The following FOXQ1 variants were observed in gnomAD, a reference collection of about 807,000 sequenced individuals.
FOXQ1 encodes the protein forkhead box Q1.
A neutral mutation model predicts 0.6 loss-of-function variants in FOXQ1; 1 was observed. The observed-to-expected ratio is 1.73, with a 90% confidence interval of 0.61 to 8.20. The LOEUF (loss-of-function observed/expected upper bound fraction) is 8.20, where lower values mean the gene tolerates loss of function less well. Ranked by LOEUF, FOXQ1 falls within the 30% of genes most tolerant of loss-of-function variation. The probability of loss-of-function intolerance (pLI) is 0.13; values close to 1 mark genes in which losing one functional copy is unlikely to be tolerated. For missense variants in FOXQ1, 734 were observed against 595.6 expected (o/e 1.23, Z -2.42); for synonymous variants, 377 against 294.4 (o/e 1.28, Z -2.87).
Position 1,313,524 on chromosome 6 carries a change from G to T in FOXQ1, c.820G>T (p.Asp274Tyr). The change falls in exon 1 of 1, where the codon GAC (aspartate) becomes TAC (tyrosine). Residue 274 changes from aspartate (D) to tyrosine (Y), a missense_variant. Asp to Tyr is a radical substitution (Grantham distance 160). Transcript: ENST00000296839. This position sits in a 1 kb window ranked among gnomAD's most constrained non-coding sequence, Gnocchi z 5.2. ...CAAGTTCTCCAGCTCCTTCGCCATC[G>T]ACAGCATCCTGCGCAAGCCCTTCCG... Reference protein sequence around the residue: ...AGKFSSSFAIDSILRKPFRSR... With the variant: ...AGKFSSSFAIYSILRKPFRSR... The T allele has an allele frequency of 7.9e-7, 1 of 1,261,056 alleles. No individual in the cohort carries two copies. The highest frequency in any genetic ancestry group is 1.0e-6 in the Non-Finnish European group (1 of 981,420). 78.1% of individuals were successfully genotyped at this position (1,261,056 alleles called of 1,614,324 possible).
Position 1,313,001 on chromosome 6 carries a change from C to T in FOXQ1, c.297C>T (p.Gly99=), listed in dbSNP as rs1186098029. 1 of 1,364,000 alleles carries T rather than the reference C, an allele frequency of 7.3e-7. No homozygotes were observed. The highest frequency in any genetic ancestry group is 3.4e-5 in the Admixed American group (1 of 29,818). 84.5% of individuals were successfully genotyped at this position (1,364,000 alleles called of 1,614,324 possible). ...CGGAGGCCGGGGCGGCGGGGCCAGG[C>T]GCGGGCGGCGCGGGGAGCGGCGAGG... ...EGAEAGAAGP[G]AGGAGSGEGA... Residue 99 remains glycine (G), a synonymous_variant, in exon 1 of 1, where the codon GGC becomes GGT. Transcript: ENST00000296839. The surrounding 1 kb of genome is among the most constrained non-coding windows in gnomAD (Gnocchi z 5.2).
chr6:1,313,189 G>A lies in FOXQ1; in HGVS notation c.485G>A (p.Gly162Asp). 1 of 1,610,106 alleles carries A rather than the reference G, an allele frequency of 6.2e-7. No homozygotes were observed. ...CCCTTTTTCCGCGGCAGCTACACGG[G>A]CTGGCGCAACTCCGTGCGCCACAAC... ...KFPFFRGSYT[G>D]WRNSVRHNLS... Residue 162 changes from glycine (G) to aspartate (D), a missense_variant, in exon 1 of 1, where the codon GGC becomes GAC. Physicochemically the swap from Gly to Asp is moderately conservative, Grantham distance 94. Transcript: ENST00000296839. This position sits in a 1 kb window ranked among gnomAD's most constrained non-coding sequence, Gnocchi z 5.2.
In FOXQ1 at chr6:1,313,115, C is replaced by A. The variant is rs1173710632; in HGVS notation, c.411C>A (p.Gly137=). ...LIAMAIRDSA[G]GRLTLAEINE... is the part of the protein sequence containing the mutation. The stretch of plus-strand genomic sequence containing the variant: ...CCATGGCCATCCGCGACTCGGCGGG[C>A]GGGCGCTTGACGCTGGCGGAGATCA... Residue 137 remains glycine, a synonymous_variant, in exon 1 of 1, where the codon GGC becomes GGA. Transcript: ENST00000296839. The surrounding 1 kb of genome is among the most constrained non-coding windows in gnomAD (Gnocchi z 5.2). 4 of 1,606,352 alleles carry A rather than the reference C, an allele frequency of 2.5e-6. No individual in the cohort carries two copies. Among genetic ancestry groups the A allele is most frequent in the Non-Finnish European group, 3.4e-6 (4 of 1,176,682 alleles).
chr6:1,314,482 T>G lies in FOXQ1; in HGVS notation c.*566T>G, dbSNP rs955340636. On this transcript the variant is annotated 3_prime_UTR_variant, in exon 1 of 1. Transcript: ENST00000296839. The stretch of plus-strand genomic sequence containing the variant: ...ATGTTGGGTTTTGTAATTAAATTAT[T>G]TATATATTTTTGAAACCCGAATTGA... 6.0e-6 allele frequency: 1 copy of G among 166,820 alleles called. No homozygotes were observed. The highest frequency in any genetic ancestry group is 1.5e-5 in the Non-Finnish European group (1 of 68,130). The allele number at this position is 166,820 out of a possible 1,614,324, so 10.3% of individuals were successfully genotyped here.
In FOXQ1 at chr6:1,313,008, G is replaced by A. The variant is rs1473233493; in HGVS notation, c.304G>A (p.Gly102Ser). ...CGGGGCGGCGGGGCCAGGCGCGGGC[G>A]GCGCGGGGAGCGGCGAGGGTGCACG... ...EAGAAGPGAG[G>S]AGSGEGARSK... Residue 102 changes from glycine to serine, a missense_variant, in exon 1 of 1, where the codon GGC (glycine) becomes AGC (serine). Transcript: ENST00000296839. This position sits in a 1 kb window ranked among gnomAD's most constrained non-coding sequence, Gnocchi z 5.2. 3 of 1,386,962 alleles carry A rather than the reference G, an allele frequency of 2.2e-6. No individual in the cohort carries two copies. Among genetic ancestry groups the A allele is most frequent in the Non-Finnish European group, 2.8e-6 (3 of 1,072,092 alleles). 85.9% of individuals were successfully genotyped at this position (1,386,962 alleles called of 1,614,324 possible).
chr6:1,313,985 G>T lies in FOXQ1; in HGVS notation c.*69G>T. On this transcript the variant is annotated 3_prime_UTR_variant, in exon 1 of 1. Transcript: ENST00000296839. The surrounding 1 kb of genome is among the most constrained non-coding windows in gnomAD (Gnocchi z 5.2). Reference sequence around the variant, plus strand: ...GAGGCGGGAACGCGGGCCCGCGCGCGGACTTTGCACTTTGAATCCAGAGGA... The same window carrying T: ...GAGGCGGGAACGCGGGCCCGCGCGCTGACTTTGCACTTTGAATCCAGAGGA... The T allele has an allele frequency of 8.3e-7, 1 of 1,210,832 alleles. No homozygotes were observed. Among genetic ancestry groups the T allele is most frequent in the East Asian group, 3.3e-5 (1 of 29,900 alleles). The allele number at this position is 1,210,832 out of a possible 1,614,324, so 75.0% of individuals were successfully genotyped here. A position where few individuals can be genotyped will look rare whatever the true frequency, so the allele number is the denominator to read the frequency against.
chr6:1,314,041 G>T lies in FOXQ1; in HGVS notation c.*125G>T. Reference sequence around the variant, plus strand: ...AATTTTTAAAATCTCCATCAAACGTGCCTTAAAGCTAAAGCATTTTGACAG... The same window carrying T: ...AATTTTTAAAATCTCCATCAAACGTTCCTTAAAGCTAAAGCATTTTGACAG... On this transcript the variant is annotated 3_prime_UTR_variant, in exon 1 of 1. Transcript: ENST00000296839. The T allele has an allele frequency of 8.5e-7, 1 of 1,170,708 alleles. No individual in the cohort carries two copies. 72.5% of individuals were successfully genotyped at this position (1,170,708 alleles called of 1,614,324 possible).
rs1437283 is a variant in FOXQ1 at position 1,312,521 on chromosome 6, G to A, written c.-184G>A. 0.95 allele frequency: 950,914 copies of A among 1,003,042 alleles called. 452,977 individuals carry two copies. Among genetic ancestry groups the A allele is most frequent in the Non-Finnish European group, 0.97 (756,717 of 777,802 alleles). 62.1% of individuals were successfully genotyped at this position (1,003,042 alleles called of 1,614,324 possible). Reference sequence around the variant, plus strand: ...CCACCCAACACTTGCAGCCCCTCCAGAGAAAAAGCCCAGCGGAAGAGGACT... The same window carrying A: ...CCACCCAACACTTGCAGCCCCTCCAAAGAAAAAGCCCAGCGGAAGAGGACT... On this transcript the variant is annotated 5_prime_UTR_variant, in exon 1 of 1. Transcript: ENST00000296839.
In FOXQ1 at chr6:1,313,812, G is replaced by A; in HGVS notation, c.1108G>A (p.Ala370Thr). 2.3e-6 allele frequency: 3 copies of A among 1,281,776 alleles called. No individual in the cohort carries two copies. Among genetic ancestry groups the A allele is most frequent in the Non-Finnish European group, 2.9e-6 (3 of 1,017,300 alleles). 79.4% of individuals were successfully genotyped at this position (1,281,776 alleles called of 1,614,324 possible). Residue 370 changes from alanine to threonine, a missense_variant, in exon 1 of 1, where the codon GCG becomes ACG. Transcript: ENST00000296839. This position sits in a 1 kb window ranked among gnomAD's most constrained non-coding sequence, Gnocchi z 5.2. The part of the protein sequence containing the change: ...KPLRGPAAGG[A>T]HLYCPLRLPA... ...ACTCCGAGGCCCGGCGGCCGGCGGCGCGCACCTGTACTGCCCCCTGCGGCT... is the reference window on the plus strand; with the variant it reads ...ACTCCGAGGCCCGGCGGCCGGCGGCACGCACCTGTACTGCCCCCTGCGGCT...
At position 1,312,766 on chromosome 6, in the gene FOXQ1, A is replaced by C; in HGVS notation, c.62A>C (p.Glu21Ala). 2 of 1,324,192 alleles carry C rather than the reference A, an allele frequency of 1.5e-6. No homozygotes were observed. The highest frequency in any genetic ancestry group is 1.9e-6 in the Non-Finnish European group (2 of 1,039,326). 82.0% of individuals were successfully genotyped at this position (1,324,192 alleles called of 1,614,324 possible). A position where few individuals can be genotyped will look rare whatever the true frequency, so the allele number is the denominator to read the frequency against. The stretch of plus-strand genomic sequence containing the variant: ...GGGGACAAGCAGGGCAGTGACCTGG[A>C]GGGCGCGGGCGGCAGCGACGCGCCG... Reference protein sequence around the residue: ...AHGDKQGSDLEGAGGSDAPSP... With the variant: ...AHGDKQGSDLAGAGGSDAPSP... The change falls in exon 1 of 1, where the codon GAG (glutamate) becomes GCG (alanine). Residue 21 changes from glutamate (E) to alanine (A), a missense_variant. Coordinates refer to ENST00000296839, the MANE Select transcript of FOXQ1 (RefSeq NM_033260.4).
At position 1,312,139 on chromosome 6, in the gene FOXQ1, G is replaced by A. The variant is rs1378281732; in HGVS notation, c.-566G>A. On this transcript the variant is annotated 5_prime_UTR_variant, in exon 1 of 1. Transcript: ENST00000296839. Reference sequence around the variant, plus strand: ...AGGCCAGCGGGGAGATGCTGCCCCGGAGGCTGGGAGCGGGAAGGCGGCTGC... The same window carrying A: ...AGGCCAGCGGGGAGATGCTGCCCCGAAGGCTGGGAGCGGGAAGGCGGCTGC... Among the ~76,000 whole-genome samples, 1 of 152,346 alleles carries A rather than the reference G, an allele frequency of 6.6e-6. No homozygotes were observed. Among genetic ancestry groups the A allele is most frequent in the Admixed American group, 6.5e-5 (1 of 15,310 alleles).
Position 1,312,698 on chromosome 6 carries a change from C to A in FOXQ1, c.-7C>A. The A allele has an allele frequency of 7.5e-7, 1 of 1,341,984 alleles. No individual in the cohort carries two copies. Among genetic ancestry groups the A allele is most frequent in the Non-Finnish European group, 9.5e-7 (1 of 1,049,188 alleles). 83.1% of individuals were successfully genotyped at this position (1,341,984 alleles called of 1,614,324 possible). On this transcript the variant is annotated 5_prime_UTR_variant, in exon 1 of 1. Coordinates refer to ENST00000296839, the MANE Select transcript of FOXQ1 (RefSeq NM_033260.4). The stretch of plus-strand genomic sequence containing the variant: ...TACGACGCCGGGGAGGGACTGGGTG[C>A]GCGGGCATGAAGTTGGAGGTGTTCG...
Position 1,313,215 on chromosome 6 carries a change from C to G in FOXQ1, c.511C>G (p.Leu171Val). 2 of 1,609,884 alleles carry G rather than the reference C, an allele frequency of 1.2e-6. No individual in the cohort carries two copies. Among genetic ancestry groups the G allele is most frequent in the Non-Finnish European group, 1.7e-6 (2 of 1,178,558 alleles). ...TGWRNSVRHN[L>V]SLNDCFVKVL... ...CTGGCGCAACTCCGTGCGCCACAACCTTTCGCTCAACGACTGCTTCGTCAA... is the reference window on the plus strand; with the variant it reads ...CTGGCGCAACTCCGTGCGCCACAACGTTTCGCTCAACGACTGCTTCGTCAA... The change falls in exon 1 of 1, where the codon CTT (leucine) becomes GTT (valine). Residue 171 changes from leucine (L) to valine (V), a missense_variant. By Grantham distance (32) the Leu-to-Val change is conservative. Coordinates refer to ENST00000296839, the MANE Select transcript of FOXQ1 (RefSeq NM_033260.4). The surrounding 1 kb of genome is among the most constrained non-coding windows in gnomAD (Gnocchi z 5.2).
chr6:1,313,832 G>A lies in FOXQ1; in HGVS notation c.1128G>A (p.Leu376=). The change falls in exon 1 of 1, where the codon CTG becomes CTA. Residue 376 remains leucine (L), a synonymous_variant. Coordinates refer to ENST00000296839, the MANE Select transcript of FOXQ1 (RefSeq NM_033260.4). The surrounding 1 kb of genome is among the most constrained non-coding windows in gnomAD (Gnocchi z 5.2). ...GCGGCGCGCACCTGTACTGCCCCCTGCGGCTGCCCGCAGCCCTGCAGGCGG... is the reference window on the plus strand; with the variant it reads ...GCGGCGCGCACCTGTACTGCCCCCTACGGCTGCCCGCAGCCCTGCAGGCGG... ...AAGGAHLYCP[L]RLPAALQAAS... is the part of the protein sequence containing the mutation. The A allele has an allele frequency of 1.5e-6, 2 of 1,295,334 alleles. No homozygotes were observed. The highest frequency in any genetic ancestry group is 1.9e-6 in the Non-Finnish European group (2 of 1,027,466). The allele number at this position is 1,295,334 out of a possible 1,614,324, so 80.2% of individuals were successfully genotyped here.
chr6:1,312,364 G>A lies in FOXQ1; in HGVS notation c.-341G>A. The stretch of plus-strand genomic sequence containing the variant: ...ATGCGCATGCTGCTTCTCTCCGGCA[G>A]GAAAGCCTTCTAAGCCCGGCGTGCT... On this transcript the variant is annotated 5_prime_UTR_variant, in exon 1 of 1. Coordinates refer to ENST00000296839, the MANE Select transcript of FOXQ1 (RefSeq NM_033260.4). 4.2e-6 allele frequency: 1 copy of A among 237,984 alleles called. No individual in the cohort carries two copies. The highest frequency in any genetic ancestry group is 8.1e-6 in the Non-Finnish European group (1 of 123,522). 14.7% of individuals were successfully genotyped at this position (237,984 alleles called of 1,614,324 possible). A position where few individuals can be genotyped will look rare whatever the true frequency, so the allele number is the denominator to read the frequency against.
In FOXQ1 at chr6:1,313,538, C is replaced by G. The variant is rs765682783; in HGVS notation, c.834C>G (p.Arg278=). 1.8e-5 allele frequency: 23 copies of G among 1,267,758 alleles called. No homozygotes were observed. The East Asian group carries it at 3.8e-4, about 21-fold the overall frequency. The allele number at this position is 1,267,758 out of a possible 1,614,324, so 78.5% of individuals were successfully genotyped here. A position where few individuals can be genotyped will look rare whatever the true frequency, so the allele number is the denominator to read the frequency against. ...SSSFAIDSIL[R]KPFRSRRLRD... The stretch of plus-strand genomic sequence containing the variant: ...CCTTCGCCATCGACAGCATCCTGCG[C>G]AAGCCCTTCCGCAGCCGCCGCCTCA... Residue 278 remains arginine, a synonymous_variant, in exon 1 of 1, where the codon CGC becomes CGG. Coordinates refer to ENST00000296839, the MANE Select transcript of FOXQ1 (RefSeq NM_033260.4). This position sits in a 1 kb window ranked among gnomAD's most constrained non-coding sequence, Gnocchi z 5.2.
Position 1,313,525 on chromosome 6 carries a change from A to G in FOXQ1, c.821A>G (p.Asp274Gly). The G allele has an allele frequency of 1.6e-6, 2 of 1,263,622 alleles. No homozygotes were observed. The highest frequency in any genetic ancestry group is 2.0e-6 in the Non-Finnish European group (2 of 983,016). 78.3% of individuals were successfully genotyped at this position (1,263,622 alleles called of 1,614,324 possible). A position where few individuals can be genotyped will look rare whatever the true frequency, so the allele number is the denominator to read the frequency against. ...AAGTTCTCCAGCTCCTTCGCCATCGACAGCATCCTGCGCAAGCCCTTCCGC... is the reference window on the plus strand; with the variant it reads ...AAGTTCTCCAGCTCCTTCGCCATCGGCAGCATCCTGCGCAAGCCCTTCCGC... ...AGKFSSSFAI[D>G]SILRKPFRSR... Residue 274 changes from aspartate (D) to glycine (G), a missense_variant, in exon 1 of 1, where the codon GAC (aspartate) becomes GGC (glycine). Coordinates refer to ENST00000296839, the MANE Select transcript of FOXQ1 (RefSeq NM_033260.4). The surrounding 1 kb of genome is among the most constrained non-coding windows in gnomAD (Gnocchi z 5.2).
At position 1,313,827 on chromosome 6, in the gene FOXQ1, CCCCTGCGGCTGCCCGCAG is replaced by C; in HGVS notation, c.1130_1147del (p.Arg377_Leu382del). The C allele has an allele frequency of 1.5e-6, 2 of 1,296,000 alleles. No individual in the cohort carries two copies. The highest frequency in any genetic ancestry group is 1.9e-6 in the Non-Finnish European group (2 of 1,027,728). The allele number at this position is 1,296,000 out of a possible 1,614,324, so 80.3% of individuals were successfully genotyped here. A position where few individuals can be genotyped will look rare whatever the true frequency, so the allele number is the denominator to read the frequency against. On this transcript the variant is annotated inframe_deletion, in exon 1 of 1. Transcript: ENST00000296839. The surrounding 1 kb of genome is among the most constrained non-coding windows in gnomAD (Gnocchi z 5.2). ...GGCCGGCGGCGCGCACCTGTACTGC[CCCCTGCGGCTGCCCGCAG>C]CCCTGCAGGCGGCCTCAGTCCGCCG...
In FOXQ1 at chr6:1,312,534, G is replaced by C; in HGVS notation, c.-171G>C. On this transcript the variant is annotated 5_prime_UTR_variant, in exon 1 of 1. Transcript: ENST00000296839. ...GCAGCCCCTCCAGAGAAAAAGCCCA[G>C]CGGAAGAGGACTCCGGAAAAGTGAC... 9.2e-7 allele frequency: 1 copy of C among 1,082,340 alleles called. No homozygotes were observed. The highest frequency in any genetic ancestry group is 1.2e-6 in the Non-Finnish European group (1 of 848,732). The allele number at this position is 1,082,340 out of a possible 1,614,324, so 67.0% of individuals were successfully genotyped here. A position where few individuals can be genotyped will look rare whatever the true frequency, so the allele number is the denominator to read the frequency against.
Sources: gnomAD v4.1 joint callset for allele counts (sites outside exome capture counted in the v4.1 genomes callset) on GRCh38, gnomAD v4.1.1 for gene constraint, Gnocchi (gnomAD v3.1) non-coding constraint, MANE v1.5 for transcripts, NCBI Gene and HGNC (gene_info 2026-07-23, HGNC 2026-07-21) for gene names.